NRP1: variants seen among roughly 807,000 people sequenced by gnomAD.
The protein encoded by NRP1 is neuropilin 1.
A neutral mutation model predicts 106.7 loss-of-function variants in NRP1; 35 were observed. The observed-to-expected ratio is 0.33, with a 90% CI of 0.25 to 0.43. NRP1 has a LOEUF of 0.43. NRP1 is among the 20% of genes least tolerant of loss of function. NRP1 has a pLI of 1.00. For missense variants in NRP1, 1,024 were observed against 1,170.4 expected (o/e 0.87, Z 1.83); for synonymous variants, 437 against 417.9 (o/e 1.05, Z -0.56).
chr10:33,192,096 G>T (rs1344292207), intron 13 of NRP1, among the ~76,000 whole-genome samples, 185 bp downstream of exon 13: 1 of 151,822 alleles, frequency 6.6e-6, no homozygotes, highest in Non-Finnish European at 1.5e-5. Flanking sequence ...ACTATGATTT[G>T]CCCTATGCTT....
chr10:33,184,798 C>A lies in NRP1; in HGVS notation c.2431+830G>T, dbSNP rs1052569607. Among the ~76,000 whole-genome samples the A allele has an allele frequency of 3.3e-5, 5 of 152,200 alleles. No individual in the cohort carries two copies. The East Asian group carries it at 9.6e-4, about 29-fold the overall frequency. On this transcript the variant is annotated intron_variant, in intron 15 of 16. Transcript: ENST00000374867. ...TATTCAATATATTATATAATAAAAG[C>A]TTTGTAAGTTGCTGAAGTGACCAAA... is the stretch of plus-strand genomic sequence containing the variant.
intron 10 of NRP1, 92 bp downstream of exon 10, chr10:33,207,475 AAGGGT>A: frequency 7.3e-7 from 1 of 1,378,062 alleles, no homozygotes; most frequent in Non-Finnish European, 1.0e-6. Context: ...CCCAAGGGAA[AAGGGT>A]AGGCAATTTG....
chr10:33,319,002 C>CTTTT (rs36010472), intron 2 of NRP1, among the ~76,000 whole-genome samples: 32 of 90,752 alleles, frequency 3.5e-4, no homozygotes, highest in African/African-American at 6.7e-4. Flanking sequence ...TCTTTTCTTT[C>CTTTT]TTTTTTTTTT....
chr10:33,279,202 A>G (rs375213319), intron 2 of NRP1, among the ~76,000 whole-genome samples: 114 of 152,320 alleles, frequency 7.5e-4, no homozygotes, highest in South Asian at 6.6e-3. Flanking sequence ...TAGTGACTTG[A>G]AACAACACAC....
chr10:33,269,545 T>C (rs529576111), intron 3 of NRP1, among the ~76,000 whole-genome samples: 1 of 152,312 alleles, frequency 6.6e-6, no homozygotes, highest in East Asian at 1.9e-4. Context: ...TAAATGCTTT[T>C]TAAAAAGCTA....
intron 2 of NRP1, among the ~76,000 whole-genome samples, chr10:33,324,952 C>T (rs76873518): frequency 0.019 from 2,912 of 152,220 alleles, 79 homozygotes; most frequent in African/African-American, 0.064. Context: ...ACTTCTAAGA[C>T]TCTAGTTGAG....
chr10:33,307,038 C>T (rs982092763), intron 2 of NRP1, among the ~76,000 whole-genome samples: 8 of 152,186 alleles, frequency 5.3e-5, no homozygotes, highest in African/African-American at 1.9e-4. Context: ...GTTGAAATGA[C>T]AGGCTGATTC....
intron 6 of NRP1, among the ~76,000 whole-genome samples, chr10:33,232,817 AT>A (rs957768237): frequency 2.1e-4 from 31 of 144,406 alleles, no homozygotes; most frequent in South Asian, 6.6e-4. Flanking sequence ...TAATTTTTGT[AT>A]TTTTTTTTTA....
intron 6 of NRP1, among the ~76,000 whole-genome samples, chr10:33,228,439 T>G (rs1347546667): frequency 6.6e-6 from 1 of 152,168 alleles, no homozygotes; most frequent in African/African-American, 2.4e-5. Context: ...CTCCCAACTT[T>G]TGAATTTTGC....
At chr10:33,183,572 C>T (rs1376420220) in intron 15 of NRP1, among the ~76,000 whole-genome samples, 2 of 152,114 alleles carry the variant, frequency 1.3e-5, no homozygotes, top group African/African-American at 2.4e-5. Context: ...TAGATAAATA[C>T]ATAAAATAGC....
At position 33,178,814 on chromosome 10, in the gene NRP1, A is replaced by G. The variant is rs1835512074; in HGVS notation, c.*1262T>C. 1 of 152,698 alleles carries G rather than the reference A, an allele frequency of 6.5e-6. No homozygotes were observed. Among genetic ancestry groups the G allele is most frequent in the South Asian group, 2.1e-4 (1 of 4,836 alleles). 9.5% of individuals were successfully genotyped at this position (152,698 alleles called of 1,614,324 possible). ...TGAATAGAATAGATAAGGAAAAAAGATACTGTCACTTTAACCAGTTAACAA... is the reference window on the plus strand; with the variant it reads ...TGAATAGAATAGATAAGGAAAAAAGGTACTGTCACTTTAACCAGTTAACAA... On this transcript the variant is annotated 3_prime_UTR_variant, in exon 17 of 17. Transcript: ENST00000374867.
chr10:33,325,707 C>A (rs1169159864), intron 2 of NRP1, among the ~76,000 whole-genome samples: 2 of 152,148 alleles, frequency 1.3e-5, no homozygotes, highest in African/African-American at 4.8e-5. Context: ...CAACAAAATT[C>A]TGAAACGAAT....
intron 10 of NRP1, chr10:33,205,884 T>C (rs909914469): frequency 3.8e-5 from 7 of 184,712 alleles, no homozygotes; most frequent in Non-Finnish European, 8.0e-5. Context: ...TTTGTTAGTC[T>C]TGCGAAGGCA....
At chr10:33,189,375 G>A (rs1165956373) in intron 13 of NRP1, among the ~76,000 whole-genome samples, 1 of 152,216 alleles carries the variant, frequency 6.6e-6, no homozygotes, top group Non-Finnish European at 1.5e-5. Flanking sequence ...GCCGGTGTCT[G>A]AGACAGGGCT....
intron 4 of NRP1, among the ~76,000 whole-genome samples, chr10:33,260,212 G>A (rs901303568): frequency 6.6e-6 from 1 of 151,974 alleles, no homozygotes; most frequent in African/African-American, 2.4e-5. Context: ...AAACGAAAAA[G>A]GGATTCATTT....
chr10:33,298,943 T>C (rs1385263129), intron 2 of NRP1, among the ~76,000 whole-genome samples: 3 of 152,162 alleles, frequency 2.0e-5, no homozygotes, highest in Non-Finnish European at 4.4e-5. Context: ...CTATTACTAC[T>C]TCTACCTACC....
intron 5 of NRP1, among the ~76,000 whole-genome samples, chr10:33,255,677 C>G (rs1319124405): frequency 2.0e-5 from 3 of 152,192 alleles, no homozygotes; most frequent in East Asian, 3.8e-4. Context: ...GGCTCCAACT[C>G]CTGGCCTCAA....
chr10:33,239,026 C>T (rs1304767991), intron 6 of NRP1, among the ~76,000 whole-genome samples: 1 of 151,916 alleles, frequency 6.6e-6, no homozygotes, highest in Non-Finnish European at 1.5e-5. Context: ...CACGGTGGCT[C>T]ATGCCTATAA....
intron 16 of NRP1, among the ~76,000 whole-genome samples, chr10:33,180,811 G>C (rs1194574322): frequency 1.3e-5 from 2 of 152,212 alleles, no homozygotes; most frequent in African/African-American, 2.4e-5. Context: ...TCTACGTGGT[G>C]CTGTTTCCAG....
Sources: allele counts gnomAD v4.1 joint callset (sites outside exome capture counted in the v4.1 genomes callset), GRCh38; gene constraint gnomAD v4.1.1; transcripts MANE v1.5; gene names NCBI Gene and HGNC (gene_info 2026-07-23, HGNC 2026-07-21).